Variants in MAP3K19 observed in about 807,000 individuals in gnomAD.
MAP3K19 encodes SPS1/STE20-related protein kinase YSK4.
A neutral mutation model predicts 114.4 loss-of-function variants in MAP3K19; 91 were observed. The ratio of observed to expected loss-of-function variants is 0.80; its 90% confidence interval spans 0.67 to 0.95. The LOEUF (loss-of-function observed/expected upper bound fraction) is 0.95. Ranked by LOEUF, MAP3K19 falls within the 40% of genes least tolerant of loss-of-function variation. MAP3K19 has a pLI of 0.00. For missense variants in MAP3K19, 1,471 were observed against 1,573.2 expected (o/e 0.94, Z 1.10); for synonymous variants, 518 against 530.5 (o/e 0.98, Z 0.32).
Position 134,999,997 on chromosome 2 carries a change from G to T in MAP3K19, c.254C>A (p.Thr85Asn). The T allele has an allele frequency of 6.2e-7, 1 of 1,610,732 alleles. No individual in the cohort carries two copies. The highest frequency in any genetic ancestry group is 8.5e-7 in the Non-Finnish European group (1 of 1,176,966). Residue 85 changes from threonine (T) to asparagine (N), a missense_variant, in exon 7 of 13, where the codon ACT becomes AAT. Coordinates refer to ENST00000392915, the MANE Select transcript of MAP3K19 (RefSeq NM_025052.5). The surrounding 1 kb of genome is among the most constrained non-coding windows in gnomAD (Gnocchi z 4.1). Reference protein sequence around the residue: ...PRTEGVEITVTFPRDVSPPQE... With the variant: ...PRTEGVEITVNFPRDVSPPQE... ...GGGAGGACTGACATCTCTTGGAAAA[G>T]TTACAGTGATCTCAACACCTGTAGA...
chr2:135,036,414 T>C (rs1202249387), intron 2 of MAP3K19, among the ~76,000 whole-genome samples: 1 of 152,218 alleles, frequency 6.6e-6, no homozygotes, highest in African/African-American at 2.4e-5. Context: ...ATTTTATGAA[T>C]GAGTGAATGA....
At chr2:134,998,266 C>G (rs1686169283) in intron 8 of MAP3K19, among the ~76,000 whole-genome samples, 1 of 152,000 alleles carries the variant, frequency 6.6e-6, no homozygotes. Flanking sequence ...GCGTGGGCCC[C>G]CAAGATTCCC....
chr2:134,997,057 C>CAACA (rs371868206), intron 8 of MAP3K19, among the ~76,000 whole-genome samples: 12 of 151,820 alleles, frequency 7.9e-5, no homozygotes, highest in South Asian at 2.1e-4. Context: ...TCAAACAAAC[C>CAACA]AACAAACAAA....
chr2:135,027,162 T>C (rs1361405089), intron 3 of MAP3K19, among the ~76,000 whole-genome samples: 4 of 151,904 alleles, frequency 2.6e-5, no homozygotes, highest in Non-Finnish European at 5.9e-5. Flanking sequence ...GGAGGATCCA[T>C]GGAGCCCAGG....
chr2:134,999,873 G>T lies in MAP3K19; in HGVS notation c.314+64C>A, dbSNP rs937592998. The T allele has an allele frequency of 5.0e-5, 51 of 1,017,822 alleles. No homozygotes were observed. The highest frequency in any genetic ancestry group is 7.2e-5 in the Non-Finnish European group (46 of 640,162). The allele number at this position is 1,017,822 out of a possible 1,614,324, so 63.0% of individuals were successfully genotyped here. On this transcript the variant is annotated intron_variant, in intron 7 of 12. Transcript: ENST00000392915. This position sits in a 1 kb window ranked among gnomAD's most constrained non-coding sequence, Gnocchi z 4.1. ...GATTCAATTACTAATAATGTAGGTT[G>T]CCATATGACTATCATTGCTTCATAC...
intron 6 of MAP3K19, among the ~76,000 whole-genome samples, chr2:135,001,417 G>A (rs1243244545): frequency 6.6e-6 from 1 of 152,182 alleles, no homozygotes; most frequent in Non-Finnish European, 1.5e-5. Flanking sequence ...AAAAATGAGA[G>A]ACTTGGAATT....
At chr2:135,003,910 A>T (rs974467847) in intron 6 of MAP3K19, among the ~76,000 whole-genome samples, 2 of 152,224 alleles carry the variant, frequency 1.3e-5, no homozygotes, top group Non-Finnish European at 2.9e-5. Flanking sequence ...ATAATATCTA[A>T]AACACTTTTA....
At chr2:134,991,010 A>G (rs1406497945) in intron 9 of MAP3K19, among the ~76,000 whole-genome samples, 3 of 152,014 alleles carry the variant, frequency 2.0e-5, no homozygotes, top group Non-Finnish European at 2.9e-5. Context: ...CGTGGCCAAC[A>G]TAGCGAGACC....
chr2:135,001,596 T>TA (rs1686451280), intron 6 of MAP3K19, among the ~76,000 whole-genome samples: 3 of 152,370 alleles, frequency 2.0e-5, no homozygotes, highest in Non-Finnish European at 2.9e-5. Flanking sequence ...TGCAAACACC[T>TA]AGCTGACATG....
At chr2:135,041,964 C>T (rs887175301) in intron 1 of MAP3K19, among the ~76,000 whole-genome samples, 1 of 152,156 alleles carries the variant, frequency 6.6e-6, no homozygotes, top group Non-Finnish European at 1.5e-5. Flanking sequence ...AGAAATAGTA[C>T]TCTAGAACAT....
At chr2:135,038,897 G>A (rs1344316821) in intron 2 of MAP3K19, among the ~76,000 whole-genome samples, 1 of 151,986 alleles carries the variant, frequency 6.6e-6, no homozygotes, top group Non-Finnish European at 1.5e-5. Context: ...TATAGTGTGA[G>A]TTTGTTTTTA....
At chr2:135,017,854 C>T (rs780404373) in intron 5 of MAP3K19, among the ~76,000 whole-genome samples, 2 of 152,156 alleles carry the variant, frequency 1.3e-5, no homozygotes, top group Non-Finnish European at 2.9e-5. Flanking sequence ...CCATGTTTCA[C>T]TAAATCTAAG....
intron 5 of MAP3K19, among the ~76,000 whole-genome samples, chr2:135,008,012 GC>G (rs1356955282): frequency 1.3e-5 from 2 of 152,014 alleles, no homozygotes; most frequent in African/African-American, 4.8e-5. Context: ...TTTGTATCTG[GC>G]TTTTTCACTT....
Position 134,981,175 on chromosome 2 carries a change from C to T in MAP3K19, c.3566G>A (p.Gly1189Glu), listed in dbSNP as rs747333738. The T allele has an allele frequency of 1.2e-6, 2 of 1,614,100 alleles. No individual in the cohort carries two copies. Among genetic ancestry groups the T allele is most frequent in the Admixed American group, 1.7e-5 (1 of 60,032 alleles). ...ENCVVHRDIKGNNVMLMPTGI... is the reference protein window; with the variant it reads ...ENCVVHRDIKENNVMLMPTGI... ...AGTTGGCATGAGCATAACATTATTTCCTTTGATATCGCGATGTACCACACA... is the reference window on the plus strand; with the variant it reads ...AGTTGGCATGAGCATAACATTATTTTCTTTGATATCGCGATGTACCACACA... Residue 1189 changes from glycine (G) to glutamate (E), a missense_variant, in exon 12 of 13, where the codon GGA becomes GAA. Coordinates refer to ENST00000392915, the MANE Select transcript of MAP3K19 (RefSeq NM_025052.5).
At chr2:135,039,373 A>C (rs1248409050) in intron 2 of MAP3K19, among the ~76,000 whole-genome samples, 1 of 148,930 alleles carries the variant, frequency 6.7e-6, no homozygotes, top group African/African-American at 2.5e-5. Flanking sequence ...TCTTGAAACC[A>C]AGAGTTTGAG....
chr2:135,028,557 CAA>C (rs60216707), intron 3 of MAP3K19, among the ~76,000 whole-genome samples: 1,629 of 107,020 alleles, frequency 0.015, 17 homozygotes, highest in African/African-American at 0.035. Context: ...GACTCTGTCT[CAA>C]AAAAAAAAAA....
chr2:134,987,894 T>C lies in MAP3K19; in HGVS notation c.978A>G (p.Lys326=). Residue 326 remains lysine, a synonymous_variant, in exon 10 of 13, where the codon AAA becomes AAG. Coordinates refer to ENST00000392915, the MANE Select transcript of MAP3K19 (RefSeq NM_025052.5). ...CNKIEITHFE[K]GQSLVSFENL... is the part of the protein sequence containing the mutation. ...TCTCAAAAGACACCAAAGACTGCCCTTTTTCAAAGTGAGTGATTTCAATTT... is the reference window on the plus strand; with the variant it reads ...TCTCAAAAGACACCAAAGACTGCCCCTTTTCAAAGTGAGTGATTTCAATTT... 6.2e-7 allele frequency: 1 copy of C among 1,614,014 alleles called. No homozygotes were observed. Among genetic ancestry groups the C allele is most frequent in the Non-Finnish European group, 8.5e-7 (1 of 1,180,040 alleles).
chr2:134,976,579 T>C (rs1193428791), intron 12 of MAP3K19, among the ~76,000 whole-genome samples: 3 of 152,342 alleles, frequency 2.0e-5, no homozygotes, highest in East Asian at 3.9e-4. Flanking sequence ...TAGTTCTTTG[T>C]GGAGGAAGTA....
At chr2:134,990,107 G>A (rs764466105) in intron 9 of MAP3K19, among the ~76,000 whole-genome samples, 2 of 151,844 alleles carry the variant, frequency 1.3e-5, no homozygotes, top group Non-Finnish European at 2.9e-5. Flanking sequence ...GTCTAAGGGA[G>A]CTACTCAGCT....
Sources: gnomAD v4.1 joint callset for allele counts (sites outside exome capture counted in the v4.1 genomes callset) on GRCh38, gnomAD v4.1.1 for gene constraint, Gnocchi (gnomAD v3.1) non-coding constraint, MANE v1.5 for transcripts, NCBI Gene and HGNC (gene_info 2026-07-23, HGNC 2026-07-21) for gene names.